Variants in HCN1 observed in about 807,000 individuals in gnomAD.
HCN1 encodes potassium/sodium hyperpolarization-activated cyclic nucleotide-gated channel 1.
HCN1 carries 13 observed loss-of-function variants against 78.9 expected under a neutral mutation model. The ratio of observed to expected loss-of-function variants is 0.16; its 90% CI spans 0.11 to 0.26. The LOEUF (loss-of-function observed/expected upper bound fraction) is 0.26. HCN1 is among the 10% of genes least tolerant of loss of function. The pLI is 1.00. For synonymous variants in HCN1, 552 were observed against 455.5 expected (o/e 1.21, Z -2.70); for missense variants, 810 against 1,154.3 (o/e 0.70, Z 4.32).
At chr5:45,539,919 G>GATATATATATATATATAT (rs66934051) in intron 2 of HCN1, among the ~76,000 whole-genome samples, 11 of 126,106 alleles carry the variant, frequency 8.7e-5, no homozygotes, top group African/African-American at 3.7e-4. Context: ...TAAATTGTGA[G>GATATATATATATATATAT]ATATATATAT....
Position 45,679,562 on chromosome 5 carries a change from T to C in HCN1, c.425+16107A>G, listed in dbSNP as rs1017779171. On this transcript the variant is annotated intron_variant, in intron 1 of 7. Transcript: ENST00000303230. ...ATGCATTTCAATAAAAATGACAGTA[T>C]TTCTAGTCACACAGCGTATTTTGTG... is the stretch of plus-strand genomic sequence containing the variant. 4.6e-5 allele frequency among the ~76,000 whole-genome samples: 7 copies of C among 152,200 alleles called. No individual in the cohort carries two copies. The East Asian group carries it at 1.4e-3, about 29-fold the overall frequency.
At chr5:45,396,100 C>A (rs745398950) in intron 4 of HCN1, among the ~76,000 whole-genome samples, 1 of 152,048 alleles carries the variant, frequency 6.6e-6, no homozygotes, top group Admixed American at 6.6e-5. Flanking sequence ...GAGGGACATG[C>A]ACAATAGCTG....
intron 2 of HCN1, among the ~76,000 whole-genome samples, chr5:45,554,390 T>C (rs1475811566): frequency 6.6e-6 from 1 of 151,756 alleles, no homozygotes; most frequent in Non-Finnish European, 1.5e-5. Context: ...CAAGCTATTA[T>C]TAAATAAATG....
At chr5:45,614,302 T>A (rs1217455308) in intron 2 of HCN1, among the ~76,000 whole-genome samples, 1 of 152,132 alleles carries the variant, frequency 6.6e-6, no homozygotes, top group East Asian at 1.9e-4. Flanking sequence ...TATCCGTCTG[T>A]CTCCTAATTT....
chr5:45,477,992 T>A (rs998340218), intron 2 of HCN1, among the ~76,000 whole-genome samples: 1 of 152,010 alleles, frequency 6.6e-6, no homozygotes, highest in African/African-American at 2.4e-5. Flanking sequence ...CAATAATACA[T>A]CAGTATTTCC....
chr5:45,677,891 T>C (rs980838210), intron 1 of HCN1, among the ~76,000 whole-genome samples: 2 of 151,792 alleles, frequency 1.3e-5, no homozygotes, highest in African/African-American at 2.4e-5. Flanking sequence ...ATAAATGAAA[T>C]GTATTTTTAA....
intron 1 of HCN1, among the ~76,000 whole-genome samples, chr5:45,683,330 T>C (rs963118850): frequency 2.0e-5 from 3 of 152,220 alleles, no homozygotes; most frequent in Admixed American, 1.3e-4. Context: ...TGTTGATATA[T>C]AGGAAAGTTA....
rs113890349 is a variant in HCN1 at position 45,400,706 on chromosome 5, C to T, written c.1012-3996G>A. ...ACAGGCATGAGCCACTGTGCCCAGC[C>T]TAAGAATGCTTTCTTATTTTTAAAA... On this transcript the variant is annotated intron_variant, in intron 3 of 7. Coordinates refer to ENST00000303230, the MANE Select transcript of HCN1 (RefSeq NM_021072.4). Among the ~76,000 whole-genome samples the T allele has an allele frequency of 3.2e-3, 492 of 152,184 alleles. 2 individuals are homozygous for T. Among genetic ancestry groups the T allele is most frequent in the African/African-American group, 0.011 (468 of 41,540 alleles).
At chr5:45,271,312 T>G (rs958753422) in intron 6 of HCN1, among the ~76,000 whole-genome samples, 4 of 151,720 alleles carry the variant, frequency 2.6e-5, no homozygotes, top group African/African-American at 9.7e-5. Flanking sequence ...GAGTGCTGTT[T>G]GGGGCATTGT....
At chr5:45,621,899 A>G (rs1459750967) in intron 2 of HCN1, among the ~76,000 whole-genome samples, 1 of 152,210 alleles carries the variant, frequency 6.6e-6, no homozygotes, top group African/African-American at 2.4e-5. Context: ...AAATTGTTTT[A>G]CTTATCATTT....
intron 2 of HCN1, among the ~76,000 whole-genome samples, chr5:45,589,159 T>C (rs141136059): frequency 3.0e-3 from 463 of 152,276 alleles, no homozygotes; most frequent in African/African-American, 0.01. Context: ...CAATTGGAGA[T>C]AGACTGTAAG....
rs578019708 is a variant in HCN1, at chr5:45,455,681, C to T, written c.1011+6165G>A. On this transcript the variant is annotated intron_variant, in intron 3 of 7. Coordinates refer to ENST00000303230, the MANE Select transcript of HCN1 (RefSeq NM_021072.4). ...TTTAAATTTAATTCTGCAAATTTCG[C>T]CCCCTATGTTTCTGTACAAACGAGT... 4.1e-3 allele frequency among the ~76,000 whole-genome samples: 625 copies of T among 150,880 alleles called. 4 individuals are homozygous for T. The highest frequency in any genetic ancestry group is 0.015 in the African/African-American group (602 of 41,046).
chr5:45,550,090 C>A (rs962446039), intron 2 of HCN1, among the ~76,000 whole-genome samples: 1 of 152,000 alleles, frequency 6.6e-6, no homozygotes, highest in African/African-American at 2.4e-5. Flanking sequence ...GTCAGTGTGG[C>A]GATTCCTCAG....
At chr5:45,433,715 T>G (rs1403253079) in intron 3 of HCN1, among the ~76,000 whole-genome samples, 1 of 152,230 alleles carries the variant, frequency 6.6e-6, no homozygotes, top group African/African-American at 2.4e-5. Flanking sequence ...AATTTTTATG[T>G]GTTTTGTTGA....
In HCN1 at chr5:45,695,870, TCGCCGCCGCCGCCGCCGCCGC is replaced by T; in HGVS notation, c.203_223del (p.Gly68_Gly74del). The stretch of plus-strand genomic sequence containing the variant: ...GTCTTCGAAGCCCCCCGCCGGCTCC[TCGCCGCCGCCGCCGCCGCCGC>T]CACCGCCGCCACCGCCGTCCACCTT... On this transcript the variant is annotated inframe_deletion, in exon 1 of 8. Coordinates refer to ENST00000303230, the MANE Select transcript of HCN1 (RefSeq NM_021072.4). The T allele has an allele frequency of 1.3e-6, 2 of 1,563,452 alleles. No individual in the cohort carries two copies. The highest frequency in any genetic ancestry group is 1.7e-6 in the Non-Finnish European group (2 of 1,161,668).
chr5:45,372,376 A>T (rs1747417140), intron 4 of HCN1, among the ~76,000 whole-genome samples: 2 of 112,544 alleles, frequency 1.8e-5, no homozygotes, highest in Admixed American at 1.3e-4. Flanking sequence ...AAACATATAT[A>T]TTATATAAAT....
At chr5:45,446,185 G>A (rs1465495181) in intron 3 of HCN1, among the ~76,000 whole-genome samples, 1 of 152,218 alleles carries the variant, frequency 6.6e-6, no homozygotes, top group Non-Finnish European at 1.5e-5. Context: ...ATACAGAGAA[G>A]TGCTTAAAGG....
chr5:45,417,973 T>C (rs1259933810), intron 3 of HCN1, among the ~76,000 whole-genome samples: 1 of 151,848 alleles, frequency 6.6e-6, no homozygotes, highest in Non-Finnish European at 1.5e-5. Flanking sequence ...CAAAGTAAGG[T>C]TGACAAAGTT....
chr5:45,524,834 T>C (rs1334558040), intron 2 of HCN1, among the ~76,000 whole-genome samples: 3 of 152,150 alleles, frequency 2.0e-5, no homozygotes, highest in Non-Finnish European at 2.9e-5. Flanking sequence ...CTTTTCCTAA[T>C]TGAATACCCT....
Sources: gnomAD v4.1 joint callset for allele counts (sites outside exome capture counted in the v4.1 genomes callset) on GRCh38, gnomAD v4.1.1 for gene constraint, MANE v1.5 for transcripts, NCBI Gene and HGNC (gene_info 2026-07-23, HGNC 2026-07-21) for gene names.